Variants in LUC7L2 observed in about 807,000 individuals in gnomAD.
LUC7L2 encodes LUC7 like 2, pre-mRNA splicing factor, also known as putative RNA-binding protein Luc7-like 2.
In LUC7L2, 25 loss-of-function variants were observed where a neutral mutation model predicts 52.8. The observed-to-expected ratio is 0.47, with a 90% CI of 0.34 to 0.66. The LOEUF is 0.66. LUC7L2 is among the 30% of genes least tolerant of loss of function. LUC7L2 has a pLI of 0.01. For synonymous variants in LUC7L2, 144 were observed against 160.9 expected (o/e 0.89, Z 0.80); for missense variants, 328 against 497.8 (o/e 0.66, Z 3.25).
intron 7 of LUC7L2, among the ~76,000 whole-genome samples, chr7:139,411,618 A>G (rs777199368): frequency 9.9e-5 from 15 of 151,962 alleles, no homozygotes; most frequent in Non-Finnish European, 2.1e-4. Flanking sequence ...AATGCTATAT[A>G]TCATCCAAAA....
At chr7:139,405,235 C>T (rs1167397778) in intron 4 of LUC7L2, among the ~76,000 whole-genome samples, 3 of 152,126 alleles carry the variant, frequency 2.0e-5, no homozygotes, top group Non-Finnish European at 4.4e-5. Flanking sequence ...TAAGGGATCC[C>T]ATCCCAGAAA....
At chr7:139,381,387 T>TTTTTATTTTATTTTATTTTA (rs144581381) in intron 2 of LUC7L2, among the ~76,000 whole-genome samples, 3 of 110,210 alleles carry the variant, frequency 2.7e-5, no homozygotes, top group South Asian at 6.1e-4. Flanking sequence ...TTTATTTTAT[T>TTTTTATTTTATTTTATTTTA]TTTTATTTTA....
chr7:139,403,692 TG>T (rs1241640511), intron 4 of LUC7L2, among the ~76,000 whole-genome samples: 2 of 152,206 alleles, frequency 1.3e-5, no homozygotes, highest in African/African-American at 4.8e-5. Context: ...CAAAGCTCAG[TG>T]ACTTAAAACA....
intron 2 of LUC7L2, among the ~76,000 whole-genome samples, chr7:139,388,364 T>C (rs1157304591): frequency 1.3e-5 from 2 of 151,952 alleles, no homozygotes; most frequent in Non-Finnish European, 2.9e-5. Flanking sequence ...AAAAATAGGT[T>C]TGGAGCTGGA....
At chr7:139,413,598 C>T (rs1312060146) in intron 8 of LUC7L2, among the ~76,000 whole-genome samples, 6 of 152,116 alleles carry the variant, frequency 3.9e-5, no homozygotes, top group Admixed American at 6.5e-5. Flanking sequence ...GCCAACATGG[C>T]GAAACTCCAT....
intron 2 of LUC7L2, among the ~76,000 whole-genome samples, chr7:139,383,965 G>C (rs1794079977): frequency 6.7e-6 from 1 of 148,384 alleles, no homozygotes; most frequent in Non-Finnish European, 1.5e-5. Flanking sequence ...GGCCAGGCTG[G>C]TTTCGAACTC....
chr7:139,355,574 T>C (rs1397579454), upstream of LUC7L2, among the ~76,000 whole-genome samples: 1 of 152,204 alleles, frequency 6.6e-6, no homozygotes, highest in Non-Finnish European at 1.5e-5. Flanking sequence ...ATTATAGGTT[T>C]GATAAAGAAC....
intron 8 of LUC7L2, chr7:139,416,045 A>T (rs1413433327): frequency 1.2e-4 from 1 of 8,606 alleles, no homozygotes; most frequent in Non-Finnish European, 2.0e-4. Context: ...TATAAAATAT[A>T]TATATATATA....
intron 9 of LUC7L2, among the ~76,000 whole-genome samples, chr7:139,420,121 C>G (rs1795821500): frequency 6.6e-6 from 1 of 152,180 alleles, no homozygotes; most frequent in Non-Finnish European, 1.5e-5. Context: ...CCATTTGCAT[C>G]TATCTATCTT....
chr7:139,383,854 C>T (rs1794074631), intron 2 of LUC7L2, among the ~76,000 whole-genome samples: 1 of 151,704 alleles, frequency 6.6e-6, no homozygotes, highest in Non-Finnish European at 1.5e-5. Flanking sequence ...CTGCCTCAGC[C>T]TCCCGAGTAG....
In LUC7L2 at chr7:139,417,631, T is replaced by C. The variant is rs1363702751; in HGVS notation, c.903T>C (p.His301=). The change falls in exon 9 of 10, where the codon CAT becomes CAC. Residue 301 remains histidine (H), a synonymous_variant. Transcript: ENST00000354926. ...GATCCAAATCTCGGGAGAAACGCCA[T>C]CGCCACAGGTCCCGCTCCAGCAGCC... ...RTRSKSREKR[H]RHRSRSSSRS... The C allele has an allele frequency of 2.5e-6, 4 of 1,613,970 alleles. No individual in the cohort carries two copies. In the Admixed American group the frequency reaches 5.0e-5, roughly 20 times the overall value.
In LUC7L2 at chr7:139,415,158, T is replaced by A. The variant is rs187166440; in HGVS notation, c.810-2380T>A. On this transcript the variant is annotated intron_variant, in intron 8 of 9. Transcript: ENST00000354926. Reference sequence around the variant, plus strand: ...AACTCCTGACCTCAAGTGATCCGCCTGCCTCAGCCTTCCAAAGTGTTGGGA... The same window carrying A: ...AACTCCTGACCTCAAGTGATCCGCCAGCCTCAGCCTTCCAAAGTGTTGGGA... 6.9e-3 allele frequency among the ~76,000 whole-genome samples: 1,013 copies of A among 146,544 alleles called. 5 individuals carry two copies. The highest frequency in any genetic ancestry group is 0.012 in the Non-Finnish European group (807 of 66,704).
At chr7:139,393,874 C>T (rs1794549869) in intron 2 of LUC7L2, among the ~76,000 whole-genome samples, 1 of 152,216 alleles carries the variant, frequency 6.6e-6, no homozygotes, top group Non-Finnish European at 1.5e-5. Context: ...GCTATACCTA[C>T]TGTCCCACTA....
At chr7:139,388,049 A>G (rs749717791) in intron 2 of LUC7L2, among the ~76,000 whole-genome samples, 14 of 152,018 alleles carry the variant, frequency 9.2e-5, no homozygotes, top group Non-Finnish European at 1.8e-4. Flanking sequence ...ACAAATTTAA[A>G]TCCTATCTGG....
At chr7:139,352,565 CCT>C (rs1003107555) in intron 1 of LUC7L2, among the ~76,000 whole-genome samples, 3 of 152,140 alleles carry the variant, frequency 2.0e-5, no homozygotes, top group South Asian at 2.1e-4. Flanking sequence ...TTTTAATTCC[CCT>C]GTCTTGAATA....
chr7:139,361,768 A>G lies in LUC7L2; in HGVS notation c.61+1446A>G, dbSNP rs540867043. 1.0e-3 allele frequency among the ~76,000 whole-genome samples: 120 copies of G among 119,704 alleles called. 5 individuals carry two copies. The highest frequency in any genetic ancestry group is 8.8e-3 in the East Asian group (43 of 4,912). 78.5% of individuals were successfully genotyped at this position (119,704 alleles called of 152,430 possible). On this transcript the variant is annotated intron_variant, in intron 1 of 9. Coordinates refer to ENST00000354926, the MANE Select transcript of LUC7L2 (RefSeq NM_016019.5). ...ATGTCTTAACATTCCTCCTTTTCCA[A>G]CATGAGAGAGGGTATTGGGAACGGG...
intron 1 of LUC7L2, among the ~76,000 whole-genome samples, chr7:139,350,771 G>A (rs1799429697): frequency 6.6e-6 from 1 of 151,580 alleles, no homozygotes; most frequent in Admixed American, 6.6e-5. Context: ...TGCCTTCTGG[G>A]TTCAAGTGAT....
intron 1 of LUC7L2, among the ~76,000 whole-genome samples, chr7:139,354,581 C>T (rs188771602): frequency 1.8e-3 from 279 of 152,242 alleles, no homozygotes; most frequent in Admixed American, 2.7e-3. Flanking sequence ...AGGCTGGTCT[C>T]GAACTCCTCA....
intron 1 of LUC7L2, among the ~76,000 whole-genome samples, chr7:139,368,814 C>T (rs1800301240): frequency 6.6e-6 from 1 of 151,532 alleles, no homozygotes; most frequent in Non-Finnish European, 1.5e-5. Flanking sequence ...CGTCTCAGTC[C>T]TTTCCCCAGA....
Sources: allele counts gnomAD v4.1 joint callset (sites outside exome capture counted in the v4.1 genomes callset), GRCh38; gene constraint gnomAD v4.1.1; transcripts MANE v1.5; gene names NCBI Gene and HGNC (gene_info 2026-07-23, HGNC 2026-07-21).